The following SYNE2 variants were observed in gnomAD, a reference collection of about 807,000 sequenced individuals.
SYNE2 encodes spectrin repeat containing nuclear envelope protein 2, also known as nesprin-2.
A neutral mutation model predicts 856.3 loss-of-function variants in SYNE2; 431 were observed. The ratio of observed to expected loss-of-function variants is 0.50; its 90% CI spans 0.47 to 0.55. The LOEUF (loss-of-function observed/expected upper bound fraction) is 0.55, where lower values mean the gene tolerates loss of function less well. Ranked by LOEUF, SYNE2 falls within the 20% of genes least tolerant of loss-of-function variation. The pLI is 0.00. For missense variants in SYNE2, 8,129 were observed against 8,023.2 expected (o/e 1.01, Z -0.50); for synonymous variants, 2,923 against 2,872.3 (o/e 1.02, Z -0.56).
chr14:63,948,794 A>ATATATGTATGTGTGTGTGTG (rs1566884813), intron 6 of SYNE2, among the ~76,000 whole-genome samples: 9 of 80,832 alleles, frequency 1.1e-4, no homozygotes, highest in African/African-American at 6.6e-4. Flanking sequence ...ATATATATAT[A>ATATATGTATGTGTGTGTGTG]TATATATATA....
chr14:64,068,842 AC>A (rs1323873740), intron 51 of SYNE2, among the ~76,000 whole-genome samples: 5 of 131,630 alleles, frequency 3.8e-5, no homozygotes, highest in African/African-American at 1.4e-4. Flanking sequence ...AGCCTGGGTG[AC>A]AGAGAGAGAC....
intron 11 of SYNE2, among the ~76,000 whole-genome samples, chr14:63,974,892 G>GTGTGTGTATATATATATATA (rs1375697679): frequency 1.3e-4 from 9 of 67,316 alleles, no homozygotes; most frequent in Admixed American, 2.4e-4. Flanking sequence ...GTGTGTGTGT[G>GTGTGTGTATATATATATATA]TATATATATA....
At chr14:64,017,549 A>C (rs375445737) in intron 33 of SYNE2, 46 bp from the exon 34 acceptor site, 124 of 1,508,148 alleles carry the variant, frequency 8.2e-5, no homozygotes, top group Non-Finnish European at 1.1e-4. Context: ...TGGTTTTCAG[A>C]CTTTTCACTG....
At chr14:64,097,907 C>T in intron 61 of SYNE2, 42 bp from the exon 62 acceptor site, 1 of 1,598,086 alleles carries the variant, frequency 6.3e-7, no homozygotes, top group Non-Finnish European at 8.6e-7. Context: ...CCTGCAGAGG[C>T]CTCAGACTTC....
chr14:64,083,676 T>C (rs1466839787), intron 57 of SYNE2, among the ~76,000 whole-genome samples: 1 of 152,206 alleles, frequency 6.6e-6, no homozygotes, highest in African/African-American at 2.4e-5. Context: ...TGTGCAATAA[T>C]CTTACTTTTA....
chr14:64,128,920 A>G (rs1241660444), intron 74 of SYNE2, among the ~76,000 whole-genome samples: 3 of 152,230 alleles, frequency 2.0e-5, no homozygotes, highest in Admixed American at 6.5e-5. Context: ...GACTTCATGT[A>G]TTTAGCAAAT....
At chr14:63,812,179 C>T (rs866502905) in intron 1 of SYNE2, among the ~76,000 whole-genome samples, 7 of 152,084 alleles carry the variant, frequency 4.6e-5, no homozygotes, top group South Asian at 2.1e-4. Context: ...CCAGAGCGGC[C>T]GTTTATAGAC....
chr14:63,777,984 T>G (rs912960243), intron 1 of SYNE2, among the ~76,000 whole-genome samples: 9 of 152,104 alleles, frequency 5.9e-5, no homozygotes, highest in African/African-American at 2.2e-4. Context: ...AGATCTTGAA[T>G]GTTCTAACTA....
chr14:63,957,772 G>A (rs1174477718), intron 8 of SYNE2, among the ~76,000 whole-genome samples: 5 of 152,096 alleles, frequency 3.3e-5, no homozygotes, highest in Admixed American at 1.3e-4. Flanking sequence ...TCACCTGGCC[G>A]AGCTAGTGCT....
At chr14:63,890,683 T>C (rs1039523049) in intron 1 of SYNE2, among the ~76,000 whole-genome samples, 1 of 152,182 alleles carries the variant, frequency 6.6e-6, no homozygotes, top group African/African-American at 2.4e-5. Flanking sequence ...CTTGTTTTTG[T>C]GCTTGTTAAT....
Position 64,100,528 on chromosome 14 carries a change from AAAAATATATATATATATAT to A in SYNE2, c.12382-1402_12382-1384del, listed in dbSNP as rs1380818553. ...CAAAACTGTCTCAAAAAAAAAAAAAAAAAATATATATATATATATATATATATATATATATATATATATT... is the reference window on the plus strand; with the variant it reads ...CAAAACTGTCTCAAAAAAAAAAAAAAATATATATATATATATATATATATT... On this transcript the variant is annotated intron_variant, in intron 63 of 115. Transcript: ENST00000555002. Among the ~76,000 whole-genome samples, 26 of 74,418 alleles carry A rather than the reference AAAAATATATATATATATAT, an allele frequency of 3.5e-4. 1 individual carries two copies. Among genetic ancestry groups the A allele is most frequent in the South Asian group, 2.5e-3 (5 of 1,990 alleles). 48.8% of individuals were successfully genotyped at this position (74,418 alleles called of 152,430 possible). A position where few individuals can be genotyped will look rare whatever the true frequency, so the allele number is the denominator to read the frequency against.
At chr14:63,935,138 T>C (rs2095814509) in intron 2 of SYNE2, among the ~76,000 whole-genome samples, 1 of 152,180 alleles carries the variant, frequency 6.6e-6, no homozygotes. Flanking sequence ...TTTTGAATTA[T>C]AGGACAAAAT....
chr14:63,794,884 A>G (rs1375593554), intron 1 of SYNE2, among the ~76,000 whole-genome samples: 1 of 152,146 alleles, frequency 6.6e-6, no homozygotes, highest in East Asian at 1.9e-4. Context: ...TTATCATATG[A>G]CCCAATAATT....
chr14:63,965,137 A>G (rs923879761), intron 10 of SYNE2, among the ~76,000 whole-genome samples: 4 of 151,000 alleles, frequency 2.6e-5, no homozygotes, highest in African/African-American at 4.9e-5. Context: ...TAATTTTTAT[A>G]TTTTTAGTGG....
At chr14:64,058,770 C>A (rs886108599) in intron 49 of SYNE2, among the ~76,000 whole-genome samples, 3 of 152,178 alleles carry the variant, frequency 2.0e-5, no homozygotes, top group African/African-American at 7.2e-5. Flanking sequence ...TGTGAGCCAC[C>A]ACATCCAGCC....
chr14:63,990,629 G>A, intron 20 of SYNE2, 60 bp downstream of exon 20: 1 of 1,481,274 alleles, frequency 6.8e-7, no homozygotes, highest in Non-Finnish European at 9.4e-7. Context: ...GGGTCACTGA[G>A]TGGGCAGTGA....
intron 49 of SYNE2, among the ~76,000 whole-genome samples, chr14:64,058,414 TCTCTTTGAGTAAA>T (rs1174570457): frequency 6.6e-6 from 1 of 152,204 alleles, no homozygotes; most frequent in Non-Finnish European, 1.5e-5. Flanking sequence ...TCTGTTATGA[TCTCTTTGAGTAAA>T]CTCTTTGAGT....
chr14:63,794,157 A>G (rs962712717), intron 1 of SYNE2, among the ~76,000 whole-genome samples: 2 of 152,196 alleles, frequency 1.3e-5, no homozygotes, highest in Non-Finnish European at 2.9e-5. Flanking sequence ...GAGAAATACA[A>G]TTCAACAATA....
chr14:63,944,097 A>G (rs965220682), intron 6 of SYNE2, among the ~76,000 whole-genome samples: 5 of 151,498 alleles, frequency 3.3e-5, no homozygotes, highest in Non-Finnish European at 7.4e-5. Context: ...ATTTTAATAT[A>G]GATAATAAAA....
Sources: gnomAD v4.1 joint callset for allele counts (sites outside exome capture counted in the v4.1 genomes callset) on GRCh38, gnomAD v4.1.1 for gene constraint, MANE v1.5 for transcripts, NCBI Gene and HGNC (gene_info 2026-07-23, HGNC 2026-07-21) for gene names.